STK3: variants seen among roughly 807,000 people sequenced by gnomAD.
STK3 encodes serine/threonine-protein kinase 3.
STK3 carries 41 observed loss-of-function variants against 58.0 expected under a neutral mutation model. That is an observed-to-expected ratio of 0.71 (90% CI 0.55 to 0.92). STK3 has a LOEUF of 0.92. Among genes scored for constraint, STK3 ranks in the 40% least tolerant of loss-of-function variants. The probability of loss-of-function intolerance (pLI) is 0.00; values close to 1 mark genes in which losing one functional copy is unlikely to be tolerated. For missense variants in STK3, 479 were observed against 602.7 expected (o/e 0.79, Z 2.15); for synonymous variants, 170 against 191.0 (o/e 0.89, Z 0.91).
chr8:98,891,632 A>ATT (rs1292676825), intron 1 of STK3, among the ~76,000 whole-genome samples: 1 of 151,414 alleles, frequency 6.6e-6, no homozygotes, highest in Non-Finnish European at 1.5e-5. Context: ...TGTGTGAGAG[A>ATT]GAGAGAGAGA....
At chr8:98,434,282 G>C (rs1818407756) in exon 3 of STK3, 1 of 152,326 alleles carries the variant, frequency 6.6e-6, no homozygotes, top group African/African-American at 2.4e-5. Flanking sequence ...TCCATCAAGT[G>C]GGGTGTAGCT....
At chr8:98,488,008 C>G (rs1404895012) in intron 10 of STK3, among the ~76,000 whole-genome samples, 1 of 152,226 alleles carries the variant, frequency 6.6e-6, no homozygotes, top group Non-Finnish European at 1.5e-5. Context: ...TTTGGTGTAA[C>G]TGTCAGAACA....
intron 3 of STK3, among the ~76,000 whole-genome samples, chr8:98,848,107 G>A (rs139886480): frequency 2.2e-4 from 34 of 152,190 alleles, no homozygotes; most frequent in Non-Finnish European, 3.5e-4. Context: ...AAAGTTCAAT[G>A]ACTTTTTAAT....
chr8:98,767,315 AT>A lies in STK3; in HGVS notation c.163del (p.Ile55LeufsTer13), dbSNP rs757570511. On this transcript the variant is annotated frameshift_variant, in exon 3 of 11. Transcript: ENST00000419617. LOFTEE classifies it high-confidence loss of function. Reference sequence around the variant, plus strand: ...ATCTGATTCAACAGGTACTTGTTTAATTGCGACAACTTGACCGGATTCCTTG... The same window carrying A: ...ATCTGATTCAACAGGTACTTGTTTAATGCGACAACTTGACCGGATTCCTTG... The part of the protein sequence containing the change: ...IHKESGQVVA[I>X]KQVPVESDLQ... 8 of 1,611,976 alleles carry A rather than the reference AT, an allele frequency of 5.0e-6. No individual in the cohort carries two copies. Among genetic ancestry groups the A allele is most frequent in the Non-Finnish European group, 6.8e-6 (8 of 1,179,548 alleles).
intron 10 of STK3, among the ~76,000 whole-genome samples, chr8:98,470,724 A>T (rs1284360047): frequency 6.6e-6 from 1 of 152,164 alleles, no homozygotes; most frequent in Non-Finnish European, 1.5e-5. Flanking sequence ...TTTTTCCTAG[A>T]CAATTTTGCT....
At chr8:98,731,722 CAA>C (rs35275281) in intron 4 of STK3, among the ~76,000 whole-genome samples, 299 of 102,532 alleles carry the variant, frequency 2.9e-3, no homozygotes, top group African/African-American at 7.6e-3. Flanking sequence ...GACTCCGTCT[CAA>C]AAAAAAAAAA....
chr8:98,922,107 C>T lies in STK3; in HGVS notation c.-79+20271G>A, dbSNP rs142910801. Among the ~76,000 whole-genome samples, 10 of 152,148 alleles carry T rather than the reference C, an allele frequency of 6.6e-5. No homozygotes were observed. The East Asian group carries it at 7.7e-4, about 12-fold the overall frequency. ...TAAGGCTTAAGAGGGAAACTGCTGG[C>T]GTATTTCTGGGAGAGATATTTTGTT... is the stretch of plus-strand genomic sequence containing the variant. On this transcript the variant is annotated intron_variant, in intron 1 of 1. Transcript: ENST00000519420.
chr8:98,462,283 A>C (rs1474738610), intron 10 of STK3, among the ~76,000 whole-genome samples: 1 of 152,108 alleles, frequency 6.6e-6, no homozygotes. Context: ...AGAAAGCAAA[A>C]AATGTCCATC....
intron 4 of STK3, among the ~76,000 whole-genome samples, chr8:98,710,950 G>A (rs1826370624): frequency 6.6e-6 from 1 of 152,152 alleles, no homozygotes; most frequent in African/African-American, 2.4e-5. Flanking sequence ...ACTTCCAGAG[G>A]AACGATCAGG....
intron 3 of STK3, among the ~76,000 whole-genome samples, chr8:98,420,947 G>C (rs149360561): frequency 5.3e-5 from 8 of 152,346 alleles, no homozygotes; most frequent in Non-Finnish European, 1.2e-4. Flanking sequence ...ATGAGGCATA[G>C]AGAGAGTAAA....
At chr8:98,392,543 C>T (rs1209505918), upstream of STK3, among the ~76,000 whole-genome samples, 5 of 152,134 alleles carry the variant, frequency 3.3e-5, no homozygotes, top group Non-Finnish European at 5.9e-5. Context: ...TTTCAGTGTC[C>T]TCTGGGACCC....
At chr8:98,724,330 C>T (rs1350673861) in intron 4 of STK3, among the ~76,000 whole-genome samples, 1 of 152,182 alleles carries the variant, frequency 6.6e-6, no homozygotes, top group Non-Finnish European at 1.5e-5. Context: ...ACAGAGATGA[C>T]TTTTGAGCTG....
chr8:98,847,972 A>G (rs757943475), intron 3 of STK3, among the ~76,000 whole-genome samples: 2 of 152,158 alleles, frequency 1.3e-5, no homozygotes, highest in East Asian at 1.9e-4. Context: ...CCACAGAGCT[A>G]TATGTCATTC....
At chr8:98,875,832 T>C (rs187999482) in intron 3 of STK3, 153 of 152,322 alleles carry the variant, frequency 1.0e-3, no homozygotes, top group African/African-American at 3.0e-3. Flanking sequence ...TCACAATGAT[T>C]AGTATGAGTT....
intron 10 of STK3, among the ~76,000 whole-genome samples, chr8:98,466,400 C>T (rs1360389735): frequency 6.6e-6 from 1 of 152,162 alleles, no homozygotes; most frequent in East Asian, 1.9e-4. Context: ...CACAGTAAAT[C>T]TTGGGATGAT....
intron 1 of STK3, among the ~76,000 whole-genome samples, chr8:98,440,737 T>G (rs1818661198): frequency 6.6e-6 from 1 of 152,240 alleles, no homozygotes; most frequent in Admixed American, 6.5e-5. Context: ...ATGATGATGT[T>G]AATAGCTAAC....
chr8:98,704,995 A>G (rs1825868462), intron 6 of STK3, among the ~76,000 whole-genome samples: 1 of 152,256 alleles, frequency 6.6e-6, no homozygotes, highest in Admixed American at 6.5e-5. Flanking sequence ...ATGAAATAAG[A>G]CTTTGTGTTC....
chr8:98,822,675 C>A (rs528480279), intron 1 of STK3, among the ~76,000 whole-genome samples: 2 of 152,222 alleles, frequency 1.3e-5, no homozygotes, highest in African/African-American at 4.8e-5. Flanking sequence ...ACAAACTTTT[C>A]TAAAGGAAAA....
Position 98,442,378 on chromosome 8 carries a change from C to T in STK3, n.186-5170G>A, listed in dbSNP as rs539497033. ...GGCCATAGTCCAATCATCTTAATATCTCTGGTACATAATTGTTTAGACACA... is the reference window on the plus strand; with the variant it reads ...GGCCATAGTCCAATCATCTTAATATTTCTGGTACATAATTGTTTAGACACA... On this transcript the variant is annotated intron_variant and non_coding_transcript_variant, in intron 1 of 3. Transcript: ENST00000517832. 2.8e-4 allele frequency among the ~76,000 whole-genome samples: 42 copies of T among 152,360 alleles called. 1 individual carries two copies. In the South Asian group the frequency reaches 7.2e-3, roughly 26 times the overall value.
Sources: allele counts gnomAD v4.1 joint callset (sites outside exome capture counted in the v4.1 genomes callset), GRCh38; gene constraint gnomAD v4.1.1; transcripts MANE v1.5; gene names NCBI Gene and HGNC (gene_info 2026-07-23, HGNC 2026-07-21).